Variants in HARS2 observed in about 807,000 individuals in gnomAD.
HARS2 encodes the protein histidyl-tRNA synthetase 2, mitochondrial.
Under a neutral mutation model 62.4 loss-of-function variants are expected in HARS2, and 40 were observed. The observed-to-expected ratio is 0.64, with a 90% CI of 0.50 to 0.83. The LOEUF is 0.83. Among genes scored for constraint, HARS2 ranks in the 40% least tolerant of loss-of-function variants. The pLI is 0.00. For synonymous variants in HARS2, 228 were observed against 227.0 expected, an observed-to-expected ratio of 1.00 and a Z score of -0.04; for missense variants, 569 against 626.4, an observed-to-expected ratio of 0.91 and a Z score of 0.98.
At chr5:140,692,882 A>T (rs1759573464) in intron 1 of HARS2, among the ~76,000 whole-genome samples, 1 of 149,206 alleles carries the variant, frequency 6.7e-6, no homozygotes, top group Non-Finnish European at 1.5e-5. Context: ...ACAGAGTAAG[A>T]CTCTATCTGA....
chr5:140,698,682 A>T lies in HARS2; in HGVS notation c.*130A>T. ...GTGACAAGTACCTTCTGCCTCCTCC[A>T]TTCTTCCTGGGTGCAGAACTGTAGA... On this transcript the variant is annotated 3_prime_UTR_variant, in exon 13 of 13. Coordinates refer to ENST00000230771, the MANE Select transcript of HARS2 (RefSeq NM_012208.4). The T allele has an allele frequency of 3.7e-6, 3 of 815,592 alleles. No individual in the cohort carries two copies. The highest frequency in any genetic ancestry group is 3.4e-5 in the Admixed American group (2 of 58,406). 50.5% of individuals were successfully genotyped at this position (815,592 alleles called of 1,614,324 possible). A position where few individuals can be genotyped will look rare whatever the true frequency, so the allele number is the denominator to read the frequency against.
Position 140,696,158 on chromosome 5 carries a change from G to A in HARS2, c.689G>A (p.Ser230Asn). 6.2e-7 allele frequency: 1 copy of A among 1,613,978 alleles called. No homozygotes were observed. The highest frequency in any genetic ancestry group is 1.1e-5 in the South Asian group (1 of 91,084). Residue 230 changes from serine to asparagine, a missense_variant, in exon 7 of 13, where the codon AGC (serine) becomes AAC (asparagine). Transcript: ENST00000230771. ...TTTGCTGTCTGTGGTGTTCCTGAAA[G>A]CAAGTTCCGTGCCATCTGCTCCTCC... ...GMFAVCGVPE[S>N]KFRAICSSID...
chr5:140,696,624 A>G lies in HARS2; in HGVS notation c.826+10A>G. ...TATGTCCAGTGTCATGGTAAGAACC[A>G]GGGTTTTCAGAGCTGTGATAGAACC... On this transcript the variant is annotated intron_variant, in intron 8 of 12. Coordinates refer to ENST00000230771, the MANE Select transcript of HARS2 (RefSeq NM_012208.4). The G allele has an allele frequency of 6.4e-7, 1 of 1,569,508 alleles. No homozygotes were observed. The highest frequency in any genetic ancestry group is 8.8e-7 in the Non-Finnish European group (1 of 1,139,282).
Position 140,691,457 on chromosome 5 carries a change from C to A in HARS2, c.-192C>A. On this transcript the variant is annotated 5_prime_UTR_variant, in exon 1 of 13. Transcript: ENST00000230771. ...TATTTCCGGCTCCTCCCGGAAGTGCCGAAGCTGGCTACTAAGGGAACTTGG... is the reference window on the plus strand; with the variant it reads ...TATTTCCGGCTCCTCCCGGAAGTGCAGAAGCTGGCTACTAAGGGAACTTGG... The A allele has an allele frequency of 2.8e-6, 2 of 718,286 alleles. No individual in the cohort carries two copies. The highest frequency in any genetic ancestry group is 4.7e-6 in the Non-Finnish European group (2 of 429,750). 44.5% of individuals were successfully genotyped at this position (718,286 alleles called of 1,614,324 possible).
chr5:140,694,516 C>A (rs1231293900), intron 4 of HARS2, among the ~76,000 whole-genome samples: 2 of 152,218 alleles, frequency 1.3e-5, no homozygotes, highest in Non-Finnish European at 2.9e-5. Flanking sequence ...GCTGCAGTCC[C>A]AGAGATTCTT....
At chr5:140,698,224 C>T in intron 12 of HARS2, 146 bp downstream of exon 12, 1 of 886,146 alleles carries the variant, frequency 1.1e-6, no homozygotes, top group South Asian at 1.6e-5. Flanking sequence ...ATGACCATTG[C>T]TGCCTGTGAG....
At position 140,691,465 on chromosome 5, in the gene HARS2, G is replaced by T; in HGVS notation, c.-184G>T. 1.4e-6 allele frequency: 1 copy of T among 707,740 alleles called. No individual in the cohort carries two copies. Among genetic ancestry groups the T allele is most frequent in the Non-Finnish European group, 2.4e-6 (1 of 418,408 alleles). The allele number at this position is 707,740 out of a possible 1,614,324, so 43.8% of individuals were successfully genotyped here. A position where few individuals can be genotyped will look rare whatever the true frequency, so the allele number is the denominator to read the frequency against. ...GCTCCTCCCGGAAGTGCCGAAGCTG[G>T]CTACTAAGGGAACTTGGGAGGATCC... On this transcript the variant is annotated 5_prime_UTR_variant, in exon 1 of 13. Coordinates refer to ENST00000230771, the MANE Select transcript of HARS2 (RefSeq NM_012208.4).
Position 140,691,545 on chromosome 5 carries a change from C to A in HARS2, c.-104C>A. The stretch of plus-strand genomic sequence containing the variant: ...GCAAACGCCCGAGTTTTCCCTGGTG[C>A]GCGGGTTCCGCCTTTGCAGTGCCCT... On this transcript the variant is annotated 5_prime_UTR_variant, in exon 1 of 13. Coordinates refer to ENST00000230771, the MANE Select transcript of HARS2 (RefSeq NM_012208.4). 2 of 824,176 alleles carry A rather than the reference C, an allele frequency of 2.4e-6. No homozygotes were observed. Among genetic ancestry groups the A allele is most frequent in the South Asian group, 1.4e-5 (1 of 69,136 alleles). 51.1% of individuals were successfully genotyped at this position (824,176 alleles called of 1,614,324 possible).
chr5:140,695,333 CTA>C (rs1256718750), intron 4 of HARS2, among the ~76,000 whole-genome samples, 173 bp from the exon 5 acceptor site: 1 of 152,146 alleles, frequency 6.6e-6, no homozygotes, highest in Non-Finnish European at 1.5e-5. Context: ...TCATTTGACA[CTA>C]TTCAATATAT....
Position 140,691,565 on chromosome 5 carries a change from T to C in HARS2, c.-84T>C. 5.4e-6 allele frequency: 5 copies of C among 927,686 alleles called. No individual in the cohort carries two copies. Among genetic ancestry groups the C allele is most frequent in the Admixed American group, 2.0e-5 (1 of 50,256 alleles). 57.5% of individuals were successfully genotyped at this position (927,686 alleles called of 1,614,324 possible). On this transcript the variant is annotated 5_prime_UTR_variant, in exon 1 of 13. Coordinates refer to ENST00000230771, the MANE Select transcript of HARS2 (RefSeq NM_012208.4). ...TGGTGCGCGGGTTCCGCCTTTGCAG[T>C]GCCCTCCACCCTTCCTGGTGTCTGA... is the stretch of plus-strand genomic sequence containing the variant.
At chr5:140,696,040 C>T in intron 6 of HARS2, 63 bp from the exon 7 acceptor site, 1 of 1,187,790 alleles carries the variant, frequency 8.4e-7, no homozygotes, top group South Asian at 1.2e-5. Context: ...AAAGTAGGTA[C>T]TGCCATTGTT....
intron 1 of HARS2, chr5:140,693,331 CAA>C (rs397884519): frequency 0.036 from 19,818 of 547,014 alleles, no homozygotes; most frequent in South Asian, 0.049. Context: ...GACTCTGTCT[CAA>C]AAAAAAAAAA....
At chr5:140,694,373 G>C (rs145215203) in intron 4 of HARS2, 93 bp downstream of exon 4, 60 of 857,570 alleles carry the variant, frequency 7.0e-5, no homozygotes, top group Admixed American at 3.2e-4. Context: ...TGGGATCTTA[G>C]AGGTCCATTG....
At chr5:140,697,731 T>C (rs1344155062) in intron 11 of HARS2, 46 bp downstream of exon 11, 4 of 1,392,652 alleles carry the variant, frequency 2.9e-6, no homozygotes, top group Non-Finnish European at 4.1e-6. Flanking sequence ...GTGTGGAATT[T>C]AGGACCCAGG....
chr5:140,693,743 T>C, intron 2 of HARS2, 78 bp downstream of exon 2: 2 of 1,304,252 alleles, frequency 1.5e-6, no homozygotes, highest in Non-Finnish European at 2.2e-6. Context: ...CTCTGACCCC[T>C]TTTAATGTTC....
intron 11 of HARS2, 82 bp downstream of exon 11, chr5:140,697,767 G>A: frequency 7.7e-7 from 1 of 1,297,548 alleles, no homozygotes; most frequent in South Asian, 1.2e-5. Flanking sequence ...TGTCTGGGGT[G>A]GAACTCAAAA....
intron 5 of HARS2, 28 bp from the exon 6 acceptor site, chr5:140,695,710 T>C (rs1292674500): frequency 2.0e-5 from 32 of 1,613,032 alleles, no homozygotes; most frequent in Middle Eastern, 1.6e-4. Context: ...ATAATGGATG[T>C]TTTTTCCCAT....
Position 140,694,189 on chromosome 5 carries a change from C to A in HARS2, c.308C>A (p.Thr103Asn), listed in dbSNP as rs373905676. ...MDTPAFELKE[T>N]LTEKYGEDSG... ...CATTCTGTTTGACCCCTATAGGAAA[C>A]CCTGACTGAGAAGTATGGAGAGGAC... The change falls in exon 4 of 13, where the codon ACC becomes AAC. Residue 103 changes from threonine (T) to asparagine (N), a missense_variant. Thr to Asn is a moderately conservative substitution (Grantham distance 65). Coordinates refer to ENST00000230771, the MANE Select transcript of HARS2 (RefSeq NM_012208.4). 1.9e-6 allele frequency: 3 copies of A among 1,612,230 alleles called. No individual in the cohort carries two copies. Among genetic ancestry groups the A allele is most frequent in the African/African-American group, 2.7e-5 (2 of 74,904 alleles).
intron 4 of HARS2, among the ~76,000 whole-genome samples, chr5:140,694,956 A>AT (rs1437872205): frequency 6.6e-6 from 1 of 151,858 alleles, no homozygotes; most frequent in Non-Finnish European, 1.5e-5. Context: ...CAAAAAAAAA[A>AT]TTTTTTTTGT....
Sources: allele counts gnomAD v4.1 joint callset (sites outside exome capture counted in the v4.1 genomes callset), GRCh38; gene constraint gnomAD v4.1.1; transcripts MANE v1.5; gene names NCBI Gene and HGNC (gene_info 2026-07-23, HGNC 2026-07-21).